The following SLC24A5 variants were observed in gnomAD, a reference collection of about 807,000 sequenced individuals.
SLC24A5 encodes the protein solute carrier family 24 member 5.
SLC24A5 carries 46 observed loss-of-function variants against 51.6 expected under a neutral mutation model. That is an observed-to-expected ratio of 0.89 (90% CI 0.70 to 1.14). The LOEUF (loss-of-function observed/expected upper bound fraction) is 1.14, where lower values mean the gene tolerates loss of function less well. Among genes scored for constraint, SLC24A5 ranks in the 50% most tolerant of loss-of-function variants. The pLI, the probability that SLC24A5 is intolerant of heterozygous loss-of-function variation, is 0.00. For synonymous variants in SLC24A5, 230 were observed against 214.9 expected, an observed-to-expected ratio of 1.07 and a Z score of -0.62; for missense variants, 581 against 604.1, an observed-to-expected ratio of 0.96 and a Z score of 0.40.
chr15:48,138,799 C>T, intron 6 of SLC24A5, 170 bp from the exon 7 acceptor site: 2 of 582,940 alleles, frequency 3.4e-6, no homozygotes, highest in Non-Finnish European at 6.2e-6. Context: ...CCTAAAGTTT[C>T]AATTAGTTTC....
At chr15:48,123,768 G>T (rs2038703177) in intron 2 of SLC24A5, 1 of 152,040 alleles carries the variant, frequency 6.6e-6, no homozygotes, top group South Asian at 2.1e-4. Context: ...TTTGCAAAAG[G>T]CATCCCACAA....
chr15:48,137,707 GACACCTCCTATGTT>G (rs1012626417), intron 6 of SLC24A5: 6 of 152,054 alleles, frequency 3.9e-5, no homozygotes, highest in African/African-American at 1.4e-4. Context: ...AAGGAACAAA[GACACCTCCTATGTT>G]TTAATCTTGA....
chr15:48,127,689 G>T (rs6493306), intron 2 of SLC24A5, among the ~76,000 whole-genome samples: 5,016 of 152,120 alleles, frequency 0.033, 195 homozygotes, highest in Admixed American at 0.091. Flanking sequence ...GTGGTGGCAG[G>T]CACCTGGCCT....
Position 48,136,836 on chromosome 15 carries a change from G to A in SLC24A5, c.744G>A (p.Met248Ile). 18 of 1,613,786 alleles carry A rather than the reference G, an allele frequency of 1.1e-5. No individual in the cohort carries two copies. The highest frequency in any genetic ancestry group is 1.5e-5 in the Non-Finnish European group (18 of 1,179,806). The change falls in exon 6 of 9, where the codon ATG (methionine) becomes ATA (isoleucine). Residue 248 changes from methionine (M) to isoleucine (I), a missense_variant. Transcript: ENST00000341459. ...AMERSEQQPLMGWEDEGQPFI... is the reference protein window; with the variant it reads ...AMERSEQQPLIGWEDEGQPFI... ...AGAGAAGTGAACAACAGCCACTGAT[G>A]GGCTGGGAAGATGAAGGTCAACCAT...
intron 2 of SLC24A5, among the ~76,000 whole-genome samples, chr15:48,133,117 C>A (rs2038811697): frequency 6.6e-6 from 1 of 152,046 alleles, no homozygotes; most frequent in Non-Finnish European, 1.5e-5. Context: ...GGGAGTCAAC[C>A]AAGCACACCA....
Position 48,142,538 on chromosome 15 carries a change from T to A in SLC24A5, c.*187T>A. 1 of 517,228 alleles carries A rather than the reference T, an allele frequency of 1.9e-6. No homozygotes were observed. The highest frequency in any genetic ancestry group is 3.2e-6 in the Non-Finnish European group (1 of 308,456). The allele number at this position is 517,228 out of a possible 1,614,324, so 32.0% of individuals were successfully genotyped here. A position where few individuals can be genotyped will look rare whatever the true frequency, so the allele number is the denominator to read the frequency against. ...CTTTCTTTTCATGAAAAATTACATA[T>A]TATAAAACAGAAGTTTGGGGGGAAA... On this transcript the variant is annotated 3_prime_UTR_variant, in exon 9 of 9. Transcript: ENST00000341459.
At chr15:48,129,642 G>A (rs2038768905) in intron 2 of SLC24A5, among the ~76,000 whole-genome samples, 1 of 151,574 alleles carries the variant, frequency 6.6e-6, no homozygotes, top group Non-Finnish European at 1.5e-5. Context: ...GACAGGAGTG[G>A]TTAAAATACT....
intron 2 of SLC24A5, among the ~76,000 whole-genome samples, chr15:48,127,712 C>T (rs920791912): frequency 2.0e-5 from 3 of 152,002 alleles, no homozygotes; most frequent in African/African-American, 7.2e-5. Context: ...AATCCCAGCT[C>T]CTCGGGAGGC....
chr15:48,127,778 A>G (rs1188907717), intron 2 of SLC24A5, among the ~76,000 whole-genome samples: 1 of 152,118 alleles, frequency 6.6e-6, no homozygotes, highest in Non-Finnish European at 1.5e-5. Flanking sequence ...AGCTGAGATC[A>G]TGCCACTGCC....
At chr15:48,129,595 A>G (rs941742584) in intron 2 of SLC24A5, among the ~76,000 whole-genome samples, 11 of 152,126 alleles carry the variant, frequency 7.2e-5, no homozygotes, top group African/African-American at 2.7e-4. Flanking sequence ...AACTATATTA[A>G]AATGTGCATT....
intron 8 of SLC24A5, 72 bp downstream of exon 8, chr15:48,141,286 T>C (rs2039074646): frequency 3.1e-6 from 4 of 1,297,382 alleles, no homozygotes; most frequent in East Asian, 2.3e-5. Context: ...GCTTTAAAAA[T>C]GTTTACTTCC....
At chr15:48,125,101 G>C (rs1461383745) in intron 2 of SLC24A5, among the ~76,000 whole-genome samples, 1 of 152,058 alleles carries the variant, frequency 6.6e-6, no homozygotes, top group Admixed American at 6.6e-5. Context: ...CCAGTTTCTT[G>C]ATGAGCATTG....
intron 5 of SLC24A5, chr15:48,135,711 A>G (rs77679659): frequency 8.9e-6 from 1 of 112,392 alleles, no homozygotes; most frequent in Non-Finnish European, 1.5e-5. Context: ...GAAAAATATG[A>G]AAAAAAAAAA....
rs2038676590 is a variant in SLC24A5 at position 48,121,259 on chromosome 15, AT to A, written c.121+95del. 2.2e-6 allele frequency: 3 copies of A among 1,336,072 alleles called. No individual in the cohort carries two copies. In the South Asian group the frequency reaches 4.6e-5, roughly 20 times the overall value. 82.8% of individuals were successfully genotyped at this position (1,336,072 alleles called of 1,614,324 possible). On this transcript the variant is annotated intron_variant, in intron 1 of 8. Coordinates refer to ENST00000341459, the MANE Select transcript of SLC24A5 (RefSeq NM_205850.3). Reference sequence around the variant, plus strand: ...AGGGACAAAAAGAGGAAAATTCTCAATGGGCTCACTTTTACTTACGCTTCTG... The same window carrying A: ...AGGGACAAAAAGAGGAAAATTCTCAAGGGCTCACTTTTACTTACGCTTCTG...
Position 48,134,453 on chromosome 15 carries a change from G to A in SLC24A5, c.404G>A (p.Gly135Glu). 1.2e-6 allele frequency: 2 copies of A among 1,613,368 alleles called. No individual in the cohort carries two copies. The highest frequency in any genetic ancestry group is 1.7e-6 in the Non-Finnish European group (2 of 1,179,484). ...CACATAGGTGTATTTATCACAAAGG[G>A]AGATATTGGCATTAGCACCATCCTT... ...TAFLGVFITK[G>E]DIGISTILGS... is the part of the protein sequence containing the mutation. Residue 135 changes from glycine to glutamate, a missense_variant, in exon 4 of 9, where the codon GGA (glycine) becomes GAA (glutamate). Coordinates refer to ENST00000341459, the MANE Select transcript of SLC24A5 (RefSeq NM_205850.3).
intron 2 of SLC24A5, among the ~76,000 whole-genome samples, chr15:48,130,918 A>G (rs1325268972): frequency 6.6e-6 from 1 of 152,124 alleles, no homozygotes; most frequent in African/African-American, 2.4e-5. Flanking sequence ...TAAAAACAGC[A>G]TTGGGCTTAG....
intron 6 of SLC24A5, 62 bp from the exon 7 acceptor site, chr15:48,138,907 G>A: frequency 8.2e-7 from 1 of 1,215,800 alleles, no homozygotes; most frequent in Non-Finnish European, 1.2e-6. Context: ...TTTCTAAATA[G>A]GCATTTCTAA....
Position 48,142,271 on chromosome 15 carries a change from T to C in SLC24A5, c.1423T>C (p.Tyr475His), listed in dbSNP as rs2039117686. The part of the protein sequence containing the change: ...RKLGIVCLLS[Y>H]LGLATLSVLY... ...GTTGGGAATAGTCTGCCTATTATCA[T>C]ACTTGGGGCTTGCTACATTATCAGT... is the stretch of plus-strand genomic sequence containing the variant. Residue 475 changes from tyrosine (Y) to histidine (H), a missense_variant, in exon 9 of 9, where the codon TAC (tyrosine) becomes CAC (histidine). Transcript: ENST00000341459. 4 of 1,613,760 alleles carry C rather than the reference T, an allele frequency of 2.5e-6. No individual in the cohort carries two copies. The highest frequency in any genetic ancestry group is 3.4e-6 in the Non-Finnish European group (4 of 1,179,750).
rs190361796 is a variant in SLC24A5, at chr15:48,125,705, G to A, written c.301+3669G>A. On this transcript the variant is annotated intron_variant, in intron 2 of 8. Coordinates refer to ENST00000341459, the MANE Select transcript of SLC24A5 (RefSeq NM_205850.3). Reference sequence around the variant, plus strand: ...ATTTTGGACCTTTGGCAACCTATAGGTGATTGTAAATCAATGCTATAGACA... The same window carrying A: ...ATTTTGGACCTTTGGCAACCTATAGATGATTGTAAATCAATGCTATAGACA... 1.7e-3 allele frequency among the ~76,000 whole-genome samples: 256 copies of A among 152,230 alleles called. 2 individuals carry two copies. Among genetic ancestry groups the A allele is most frequent in the African/African-American group, 6.0e-3 (249 of 41,560 alleles).
Sources: gnomAD v4.1 joint callset for allele counts (sites outside exome capture counted in the v4.1 genomes callset) on GRCh38, gnomAD v4.1.1 for gene constraint, MANE v1.5 for transcripts, NCBI Gene and HGNC (gene_info 2026-07-23, HGNC 2026-07-21) for gene names.